UBE3C: variants seen among roughly 807,000 people sequenced by gnomAD.
UBE3C encodes the protein ubiquitin protein ligase E3C.
In UBE3C, 42 loss-of-function variants were observed where a neutral mutation model predicts 129.4. That is an observed-to-expected ratio of 0.32 (90% CI 0.25 to 0.42). The LOEUF (loss-of-function observed/expected upper bound fraction) is 0.42. Among genes scored for constraint, UBE3C ranks in the 10% least tolerant of loss-of-function variants. The pLI, the probability that UBE3C is intolerant of heterozygous loss-of-function variation, is 1.00. For missense variants in UBE3C, 1,049 were observed against 1,319.1 expected (o/e 0.80, Z 3.17); for synonymous variants, 510 against 492.4 (o/e 1.04, Z -0.47).
chr7:157,235,034 A>G (rs1215049854), intron 18 of UBE3C, among the ~76,000 whole-genome samples: 2 of 152,164 alleles, frequency 1.3e-5, no homozygotes, highest in Admixed American at 6.5e-5. Context: ...TCTACTAAAA[A>G]TACAAAATTA....
At chr7:157,217,170 T>A in intron 14 of UBE3C, 199 bp downstream of exon 14, 2 of 435,038 alleles carry the variant, frequency 4.6e-6, no homozygotes, top group East Asian at 4.3e-5. Context: ...TAAAATGATA[T>A]TCTGAGTTAT....
Position 157,207,407 on chromosome 7 carries a change from A to G in UBE3C, c.1428A>G (p.Val476=), listed in dbSNP as rs1232679536. The G allele has an allele frequency of 1.2e-6, 2 of 1,612,380 alleles. No individual in the cohort carries two copies. Among genetic ancestry groups the G allele is most frequent in the East Asian group, 2.2e-5 (1 of 44,862 alleles). ...TTTTCTTTAATTCAAGGTCTATGGTACCGTTGCTTCAGGTGATATCCAGGG... is the reference window on the plus strand; with the variant it reads ...TTTTCTTTAATTCAAGGTCTATGGTGCCGTTGCTTCAGGTGATATCCAGGG... ...MSTRMITGSM[V]PLLQVISRGS... Residue 476 remains valine (V), a synonymous_variant, in exon 12 of 23, where the codon GTA becomes GTG. Coordinates refer to ENST00000348165, the MANE Select transcript of UBE3C (RefSeq NM_014671.3).
intron 18 of UBE3C, among the ~76,000 whole-genome samples, chr7:157,233,146 A>G (rs185795658): frequency 6.6e-6 from 1 of 151,588 alleles, no homozygotes; most frequent in African/African-American, 2.4e-5. Flanking sequence ...ATCATTTGTT[A>G]TATCAACTAT....
intron 14 of UBE3C, among the ~76,000 whole-genome samples, chr7:157,218,890 A>G (rs776739506): frequency 9.9e-5 from 15 of 152,232 alleles, no homozygotes; most frequent in Non-Finnish European, 1.5e-4. Context: ...ACCCTTCGTC[A>G]TCATATTTGT....
intron 18 of UBE3C, among the ~76,000 whole-genome samples, chr7:157,237,832 G>T (rs188410695): frequency 2.1e-4 from 32 of 152,030 alleles, no homozygotes; most frequent in Non-Finnish European, 1.6e-4. Flanking sequence ...GAACACTTAA[G>T]CCCAGGAGTT....
At chr7:157,197,843 A>G in intron 10 of UBE3C, 1 of 1,611,134 alleles carries the variant, frequency 6.2e-7, no homozygotes, top group South Asian at 1.1e-5. Flanking sequence ...GCACTGAATC[A>G]TCAATAAGAA....
In UBE3C at chr7:157,231,195, A is replaced by G. The variant is rs1292975616; in HGVS notation, c.2349A>G (p.Ser783=). 2.5e-6 allele frequency: 4 copies of G among 1,614,152 alleles called. No homozygotes were observed. The highest frequency in any genetic ancestry group is 2.2e-5 in the East Asian group (1 of 44,882). The stretch of plus-strand genomic sequence containing the variant: ...AGTTTTTAAATGAACTACTGAAGTC[A>G]GGATTTAACCCCAACCAGGGGTTCT... The part of the protein sequence containing the change: ...FREFLNELLK[S]GFNPNQGFFK... Residue 783 remains serine (S), a synonymous_variant, in exon 18 of 23, where the codon TCA becomes TCG. Coordinates refer to ENST00000348165, the MANE Select transcript of UBE3C (RefSeq NM_014671.3).
chr7:157,183,388 A>T (rs957784101), intron 8 of UBE3C, among the ~76,000 whole-genome samples: 3 of 152,148 alleles, frequency 2.0e-5, no homozygotes, highest in Non-Finnish European at 4.4e-5. Context: ...GTGTGCGGGA[A>T]TGGGGAGCTT....
intron 22 of UBE3C, among the ~76,000 whole-genome samples, chr7:157,263,972 T>C (rs1796994097): frequency 6.6e-6 from 1 of 152,092 alleles, no homozygotes. Context: ...AGGGTCTTGC[T>C]CTGTTGCCCA....
intron 11 of UBE3C, among the ~76,000 whole-genome samples, chr7:157,202,628 G>C (rs189451355): frequency 6.6e-6 from 1 of 152,286 alleles, no homozygotes; most frequent in African/African-American, 2.4e-5. Flanking sequence ...CTGCAGTCCA[G>C]CCTGGGTGAG....
At chr7:157,167,321 C>G (rs1808244707) in intron 2 of UBE3C, among the ~76,000 whole-genome samples, 1 of 152,250 alleles carries the variant, frequency 6.6e-6, no homozygotes, top group Admixed American at 6.5e-5. Flanking sequence ...GTGTGTTAGT[C>G]TCAGCTTTGT....
intron 10 of UBE3C, chr7:157,192,882 G>A: frequency 6.0e-6 from 5 of 840,134 alleles, no homozygotes; most frequent in South Asian, 1.5e-5. Flanking sequence ...AAAAAAGAAG[G>A]GATTATCAAA....
rs1003835609 is a variant in UBE3C, at chr7:157,207,821, G to A, written c.1695G>A (p.Lys565=). 1 of 1,613,974 alleles carries A rather than the reference G, an allele frequency of 6.2e-7. No individual in the cohort carries two copies. Among genetic ancestry groups the A allele is most frequent in the African/African-American group, 1.3e-5 (1 of 74,906 alleles). ...TCAAGTTGGCTTATCCAGAAACCAA[G>A]CCAGAAGTTCGAGAAGAATATATTA... is the stretch of plus-strand genomic sequence containing the variant. The part of the protein sequence containing the change: ...GIIKLAYPET[K]PEVREEYITA... The change falls in exon 13 of 23, where the codon AAG becomes AAA. Residue 565 remains lysine (K), a synonymous_variant. Transcript: ENST00000348165.
At position 157,220,285 on chromosome 7, in the gene UBE3C, A is replaced by G. The variant is rs58826821; in HGVS notation, c.1915-404A>G. Among the ~76,000 whole-genome samples the G allele has an allele frequency of 7.6e-3, 1,159 of 152,316 alleles. 18 individuals are homozygous for G. Among genetic ancestry groups the G allele is most frequent in the African/African-American group, 0.027 (1,110 of 41,586 alleles). ...CAGATGAAAAATAACTTGAGAAAAT[A>G]TACTGTGTCTGTTTTATTTGAATAC... On this transcript the variant is annotated intron_variant, in intron 14 of 22. Coordinates refer to ENST00000348165, the MANE Select transcript of UBE3C (RefSeq NM_014671.3).
At chr7:157,192,575 G>A (rs1563049940) in intron 10 of UBE3C, 2 of 765,718 alleles carry the variant, frequency 2.6e-6, no homozygotes, top group South Asian at 2.7e-5. Context: ...TTCATCTTGT[G>A]TTGAGACTTC....
chr7:157,142,977 C>T (rs1226616137), intron 1 of UBE3C, among the ~76,000 whole-genome samples: 1 of 152,000 alleles, frequency 6.6e-6, no homozygotes, highest in South Asian at 2.1e-4. Flanking sequence ...AAGCGATTCT[C>T]CTGCCTCAGC....
chr7:157,197,271 T>C (rs1252067602), intron 10 of UBE3C, among the ~76,000 whole-genome samples: 1 of 152,164 alleles, frequency 6.6e-6, no homozygotes, highest in African/African-American at 2.4e-5. Flanking sequence ...TTTTACCAAA[T>C]GCATTTATCA....
intron 6 of UBE3C, among the ~76,000 whole-genome samples, chr7:157,179,224 A>G (rs1808605690): frequency 6.6e-6 from 1 of 151,976 alleles, no homozygotes; most frequent in African/African-American, 2.4e-5. Flanking sequence ...GTGAATGGGA[A>G]AGGTAATGCC....
chr7:157,235,818 A>G (rs1796138490), intron 18 of UBE3C, among the ~76,000 whole-genome samples: 1 of 152,222 alleles, frequency 6.6e-6, no homozygotes, highest in African/African-American at 2.4e-5. Flanking sequence ...CTAACTTCCA[A>G]AACATATCTG....
Sources: gnomAD v4.1 joint callset for allele counts (sites outside exome capture counted in the v4.1 genomes callset) on GRCh38, gnomAD v4.1.1 for gene constraint, MANE v1.5 for transcripts, NCBI Gene and HGNC (gene_info 2026-07-23, HGNC 2026-07-21) for gene names.